Variants in MEI4 observed in about 807,000 individuals in gnomAD.
MEI4 encodes meiosis-specific protein MEI4.
In MEI4, 27 loss-of-function variants were observed where a neutral mutation model predicts 31.4. That is an observed-to-expected ratio of 0.86 (90% CI 0.63 to 1.19). MEI4 has a LOEUF of 1.19. Ranked by LOEUF, MEI4 falls within the 50% of genes most tolerant of loss-of-function variation. The pLI is 0.00. For synonymous variants in MEI4, 122 were observed against 145.4 expected (o/e 0.84, Z 1.16); for missense variants, 329 against 398.9 (o/e 0.82, Z 1.49).
chr6:77,734,020 C>T (rs903340467), intron 2 of MEI4, among the ~76,000 whole-genome samples: 1 of 151,976 alleles, frequency 6.6e-6, no homozygotes, highest in African/African-American at 2.4e-5. Context: ...TTTTCTTTTA[C>T]ACTTGCTGAG....
chr6:77,758,170 A>AG (rs1488950494), intron 2 of MEI4, among the ~76,000 whole-genome samples: 6 of 151,512 alleles, frequency 4.0e-5, no homozygotes, highest in African/African-American at 4.9e-5. Context: ...AAAAAAAAAA[A>AG]AAAGAAAGAA....
intron 2 of MEI4, among the ~76,000 whole-genome samples, chr6:77,717,839 T>A (rs71563059): frequency 0.087 from 9,976 of 114,558 alleles, 600 homozygotes; most frequent in East Asian, 0.25. Flanking sequence ...CAAAATGGAG[T>A]CTCCTATGTC....
chr6:77,741,558 C>T (rs1767401034), intron 2 of MEI4, among the ~76,000 whole-genome samples: 1 of 152,052 alleles, frequency 6.6e-6, no homozygotes, highest in South Asian at 2.1e-4. Context: ...TTTTATATGT[C>T]CACTTGATGG....
chr6:77,728,229 A>C (rs1281343278), intron 2 of MEI4, among the ~76,000 whole-genome samples: 1 of 152,206 alleles, frequency 6.6e-6, no homozygotes, highest in African/African-American at 2.4e-5. Context: ...AAAATAGCCA[A>C]AATAATTAAT....
At chr6:77,904,509 T>C (rs1269368554) in intron 4 of MEI4, among the ~76,000 whole-genome samples, 1 of 152,120 alleles carries the variant, frequency 6.6e-6, no homozygotes, top group East Asian at 1.9e-4. Context: ...CTTCTCTTTT[T>C]GTCCATGTGT....
At chr6:77,683,334 T>C (rs943809965) in intron 1 of MEI4, among the ~76,000 whole-genome samples, 12 of 152,338 alleles carry the variant, frequency 7.9e-5, no homozygotes, top group African/African-American at 2.6e-4. Context: ...GTATTTTCAA[T>C]ATATAGACAT....
intron 3 of MEI4, among the ~76,000 whole-genome samples, chr6:77,775,283 C>T (rs371180513): frequency 6.6e-6 from 1 of 152,002 alleles, no homozygotes; most frequent in Non-Finnish European, 1.5e-5. Context: ...TTGGTTTTCC[C>T]GTTAAGCAGT....
chr6:77,919,184 A>G (rs1766640872), intron 4 of MEI4, among the ~76,000 whole-genome samples: 1 of 152,014 alleles, frequency 6.6e-6, no homozygotes, highest in Admixed American at 6.6e-5. Flanking sequence ...CCCCAAATCA[A>G]CAGAATATAC....
In MEI4 at chr6:77,900,808, T is replaced by C. The variant is rs532076404; in HGVS notation, c.901-22281T>C. ...TAACTTTACCATAATGCACAACAGG[T>C]GTCTTGAACTTATTCCTTGTATCTA... On this transcript the variant is annotated intron_variant, in intron 4 of 4. Coordinates refer to ENST00000684080, the MANE Select transcript of MEI4 (RefSeq NM_001322247.2). 2.7e-4 allele frequency among the ~76,000 whole-genome samples: 41 copies of C among 152,114 alleles called. No individual in the cohort carries two copies. In the South Asian group the frequency reaches 7.3e-3, roughly 27 times the overall value.
intron 2 of MEI4, among the ~76,000 whole-genome samples, chr6:77,713,324 T>C (rs1561954999): frequency 6.6e-6 from 1 of 152,218 alleles, no homozygotes; most frequent in East Asian, 1.9e-4. Context: ...CTTGATAATC[T>C]GATGGTAAGT....
intron 1 of MEI4, among the ~76,000 whole-genome samples, chr6:77,660,607 A>G (rs928910434): frequency 6.6e-6 from 1 of 152,094 alleles, no homozygotes; most frequent in African/African-American, 2.4e-5. Flanking sequence ...CCCTGTCGCA[A>G]AAGTAGGGTA....
At chr6:77,696,243 G>C (rs973255752) in intron 2 of MEI4, among the ~76,000 whole-genome samples, 1 of 152,086 alleles carries the variant, frequency 6.6e-6, no homozygotes, top group Non-Finnish European at 1.5e-5. Context: ...TTTCCTAATT[G>C]AATACCCTTT....
In MEI4 at chr6:77,924,378, G is replaced by A. The variant is rs1007472158; in HGVS notation, c.*1032G>A. The A allele has an allele frequency of 6.6e-6, 1 of 151,718 alleles. No individual in the cohort carries two copies. The allele number at this position is 151,718 out of a possible 1,614,324, so 9.4% of individuals were successfully genotyped here. A position where few individuals can be genotyped will look rare whatever the true frequency, so the allele number is the denominator to read the frequency against. ...TCATCTGGCACAAACAATTATCTTT[G>A]GAATTATTTCTAGCATTTTTGAAAA... On this transcript the variant is annotated 3_prime_UTR_variant, in exon 5 of 5. Transcript: ENST00000684080.
intron 4 of MEI4, among the ~76,000 whole-genome samples, chr6:77,839,044 A>T (rs1430545310): frequency 2.0e-5 from 3 of 152,104 alleles, no homozygotes; most frequent in African/African-American, 4.8e-5. Flanking sequence ...CCAAGCTTTG[A>T]TTTAAGAGCA....
At chr6:77,767,359 A>T (rs531283680) in intron 3 of MEI4, among the ~76,000 whole-genome samples, 1 of 151,904 alleles carries the variant, frequency 6.6e-6, no homozygotes, top group South Asian at 2.1e-4. Context: ...CAGCCTGGTG[A>T]CTGAGACTCC....
intron 2 of MEI4, among the ~76,000 whole-genome samples, chr6:77,702,621 T>C (rs1007605837): frequency 2.0e-5 from 3 of 152,204 alleles, no homozygotes; most frequent in Non-Finnish European, 2.9e-5. Context: ...GGTATGTCTT[T>C]AACTGTAGCC....
intron 3 of MEI4, among the ~76,000 whole-genome samples, chr6:77,812,930 T>C (rs947338835): frequency 8.5e-5 from 13 of 152,216 alleles, no homozygotes; most frequent in African/African-American, 3.1e-4. Context: ...TTTTAGGGCC[T>C]GAAATGAGTA....
At chr6:77,863,538 G>GA (rs1164619405) in intron 4 of MEI4, among the ~76,000 whole-genome samples, 6 of 151,944 alleles carry the variant, frequency 3.9e-5, no homozygotes, top group Middle Eastern at 3.2e-3. Flanking sequence ...AGAGAAAAAA[G>GA]AAAAAAAGAA....
Position 77,697,516 on chromosome 6 carries a change from C to T in MEI4, c.232+6613C>T, listed in dbSNP as rs9448166. Among the ~76,000 whole-genome samples the T allele has an allele frequency of 7.2e-3, 1,101 of 152,234 alleles. 14 individuals carry two copies. The highest frequency in any genetic ancestry group is 0.025 in the African/African-American group (1,036 of 41,524). The stretch of plus-strand genomic sequence containing the variant: ...AACATCTTTATTTCTCCCTTCATTT[C>T]GTTATGTACCCAGTAGTCATTCAGA... On this transcript the variant is annotated intron_variant, in intron 2 of 4. Coordinates refer to ENST00000684080, the MANE Select transcript of MEI4 (RefSeq NM_001322247.2).
Sources: gnomAD v4.1 joint callset for allele counts (sites outside exome capture counted in the v4.1 genomes callset) on GRCh38, gnomAD v4.1.1 for gene constraint, MANE v1.5 for transcripts, NCBI Gene and HGNC (gene_info 2026-07-23, HGNC 2026-07-21) for gene names.